The following USH2A variants were observed in gnomAD, a reference collection of about 807,000 sequenced individuals.
USH2A encodes usherin.
A neutral mutation model predicts 538.9 loss-of-function variants in USH2A; 443 were observed. That is an observed-to-expected ratio of 0.82 (90% CI 0.76 to 0.89). The LOEUF is 0.89. Among genes scored for constraint, USH2A ranks in the 40% least tolerant of loss-of-function variants. USH2A has a pLI of 0.00. For missense variants in USH2A, 6,633 were observed against 6,324.8 expected (o/e 1.05, Z -1.65); for synonymous variants, 2,413 against 2,273.5 (o/e 1.06, Z -1.75).
At position 215,912,515 on chromosome 1, in the gene USH2A, G is replaced by GTATATATATA. The variant is rs1279309340; in HGVS notation, c.7301-11620_7301-11611dup. On this transcript the variant is annotated intron_variant, in intron 38 of 71. Coordinates refer to ENST00000307340, the MANE Select transcript of USH2A (RefSeq NM_206933.4). Reference sequence around the variant, plus strand: ...TGTGTATATATATATATATATACGTGTATATATATATATATATATATGAAG... The same window carrying GTATATATATA: ...TGTGTATATATATATATATATACGTGTATATATATATATATATATATATATATATATGAAG... 4.4e-4 allele frequency among the ~76,000 whole-genome samples: 9 copies of GTATATATATA among 20,322 alleles called. No homozygotes were observed. In the East Asian group the frequency reaches 7.9e-3, roughly 18 times the overall value. The allele number at this position is 20,322 out of a possible 152,430, so 13.3% of individuals were successfully genotyped here. A position where few individuals can be genotyped will look rare whatever the true frequency, so the allele number is the denominator to read the frequency against.
intron 35 of USH2A, among the ~76,000 whole-genome samples, chr1:215,980,705 G>A (rs916975000): frequency 6.6e-6 from 1 of 151,990 alleles, no homozygotes; most frequent in Non-Finnish European, 1.5e-5. Flanking sequence ...TATTAATAGA[G>A]TTATGTTGTA....
At chr1:216,097,435 T>C (rs886391508) in intron 21 of USH2A, among the ~76,000 whole-genome samples, 5 of 152,148 alleles carry the variant, frequency 3.3e-5, no homozygotes, top group African/African-American at 1.2e-4. Context: ...TGCTAATCAA[T>C]ATATAATGAA....
chr1:216,287,825 G>A (rs1441880762), intron 11 of USH2A, among the ~76,000 whole-genome samples: 2 of 152,080 alleles, frequency 1.3e-5, no homozygotes, highest in Admixed American at 1.3e-4. Flanking sequence ...TTCTGCAAGT[G>A]AAAATTTACA....
At chr1:216,237,326 G>A (rs180919252) in intron 13 of USH2A, among the ~76,000 whole-genome samples, 161 of 152,200 alleles carry the variant, frequency 1.1e-3, no homozygotes, top group African/African-American at 3.8e-3. Context: ...ATGCTTGAAA[G>A]TGGATGAAAT....
At chr1:216,321,430 A>G (rs1466976419) in intron 9 of USH2A, among the ~76,000 whole-genome samples, 2 of 152,170 alleles carry the variant, frequency 1.3e-5, no homozygotes, top group African/African-American at 4.8e-5. Flanking sequence ...AAAATGCCTG[A>G]TATTAGCAAT....
At position 215,934,610 on chromosome 1, in the gene USH2A, A is replaced by C; in HGVS notation, c.7300+6T>G. On this transcript the variant is annotated splice_donor_region_variant and intron_variant, in intron 38 of 71. Coordinates refer to ENST00000307340, the MANE Select transcript of USH2A (RefSeq NM_206933.4). The stretch of plus-strand genomic sequence containing the variant: ...AATTAGATAGCCAACATTTGCATAG[A>C]CTTACCTCCTGGAGGCATTGCAATT... 2 of 1,611,630 alleles carry C rather than the reference A, an allele frequency of 1.2e-6. No homozygotes were observed. Among genetic ancestry groups the C allele is most frequent in the Non-Finnish European group, 1.7e-6 (2 of 1,178,384 alleles).
At chr1:216,180,912 C>T (rs1176760124) in intron 20 of USH2A, among the ~76,000 whole-genome samples, 2 of 152,070 alleles carry the variant, frequency 1.3e-5, no homozygotes, top group African/African-American at 4.8e-5. Flanking sequence ...AACAAGAAGT[C>T]CAGGTCATGA....
chr1:216,256,503 C>T (rs746710086), intron 11 of USH2A, among the ~76,000 whole-genome samples: 23 of 152,020 alleles, frequency 1.5e-4, no homozygotes, highest in African/African-American at 3.4e-4. Context: ...GATCTTACAA[C>T]GGTATACAAT....
chr1:215,801,398 A>T (rs1662330128), intron 49 of USH2A, among the ~76,000 whole-genome samples: 3 of 150,984 alleles, frequency 2.0e-5, no homozygotes, highest in Admixed American at 2.0e-4. Flanking sequence ...AAGATTCTAA[A>T]AAAAAAAAAA....
At chr1:215,967,430 A>G (rs971180374) in intron 36 of USH2A, among the ~76,000 whole-genome samples, 10 of 152,238 alleles carry the variant, frequency 6.6e-5, no homozygotes, top group Admixed American at 1.3e-4. Flanking sequence ...ACCTCCCAAC[A>G]TGCTGGGATT....
In USH2A at chr1:215,629,026, C is replaced by T. The variant is rs112958319; in HGVS notation, c.15307G>A (p.Asp5103Asn). ...PPGENHMGLA[D>N]TKIPRSGTPV... is the part of the protein sequence containing the mutation. ...GTCCCAGACCGGGGAATTTTGGTAT[C>T]GGCTAACCCCTGAGAAGGAAGTTGC... Residue 5103 changes from aspartate to asparagine, a missense_variant, in exon 71 of 72, where the codon GAT becomes AAT. Transcript: ENST00000307340. 6.0e-5 allele frequency: 96 copies of T among 1,612,922 alleles called. 2 individuals carry two copies. The highest frequency in any genetic ancestry group is 2.1e-4 in the African/African-American group (16 of 74,996).
At chr1:216,209,966 C>T (rs2035202640) in intron 15 of USH2A, among the ~76,000 whole-genome samples, 1 of 152,112 alleles carries the variant, frequency 6.6e-6, no homozygotes, top group Non-Finnish European at 1.5e-5. Flanking sequence ...GTTCCTCCAC[C>T]TTTCTGTCTT....
intron 50 of USH2A, among the ~76,000 whole-genome samples, chr1:215,796,316 G>T (rs1662133467): frequency 6.6e-6 from 1 of 151,974 alleles, no homozygotes; most frequent in Admixed American, 6.6e-5. Flanking sequence ...GAAGTCTATT[G>T]GTGCCAATTT....
chr1:216,311,004 T>C (rs2037410816), intron 9 of USH2A, among the ~76,000 whole-genome samples: 1 of 152,320 alleles, frequency 6.6e-6, no homozygotes, highest in East Asian at 1.9e-4. Context: ...AATTGTGCCC[T>C]TCTTAACAAG....
At chr1:215,836,117 C>A (rs1663471805) in intron 47 of USH2A, among the ~76,000 whole-genome samples, 1 of 151,886 alleles carries the variant, frequency 6.6e-6, no homozygotes, top group Admixed American at 6.6e-5. Flanking sequence ...TACTATGAGG[C>A]ATATTCTGTT....
chr1:216,391,185 A>G (rs1319637128), intron 3 of USH2A, among the ~76,000 whole-genome samples: 1 of 152,164 alleles, frequency 6.6e-6, no homozygotes, highest in Non-Finnish European at 1.5e-5. Context: ...ATCAACCAAA[A>G]TTGCTTTGGT....
chr1:216,399,924 G>A (rs1357755302), intron 3 of USH2A, among the ~76,000 whole-genome samples: 1 of 133,452 alleles, frequency 7.5e-6, no homozygotes, highest in Non-Finnish European at 1.6e-5. Context: ...ACACCTCAAT[G>A]TAAGGACAGC....
rs146370530 is a variant in USH2A, at chr1:215,818,481, C to T, written c.9372-1286G>A. On this transcript the variant is annotated intron_variant, in intron 47 of 71. Coordinates refer to ENST00000307340, the MANE Select transcript of USH2A (RefSeq NM_206933.4). The stretch of plus-strand genomic sequence containing the variant: ...GAAAAATATAGAACTTAAAGATTCC[C>T]GTAAGAAATATGTTTACATTGTCAT... 8.9e-4 allele frequency among the ~76,000 whole-genome samples: 135 copies of T among 151,190 alleles called. 1 individual carries two copies. In the East Asian group the frequency reaches 0.024, roughly 26 times the overall value.
chr1:216,332,919 G>C, intron 4 of USH2A, among the ~76,000 whole-genome samples: 1 of 152,002 alleles, frequency 6.6e-6, no homozygotes, highest in East Asian at 1.9e-4. Flanking sequence ...TTTCAACAAA[G>C]AATATGGCAT....
Sources: gnomAD v4.1 joint callset for allele counts (sites outside exome capture counted in the v4.1 genomes callset) on GRCh38, gnomAD v4.1.1 for gene constraint, MANE v1.5 for transcripts, NCBI Gene and HGNC (gene_info 2026-07-23, HGNC 2026-07-21) for gene names.